FBXO34: variants seen among roughly 807,000 people sequenced by gnomAD.
FBXO34 encodes the protein F-box protein 34, also known as F-box only protein 34.
In FBXO34, 12 loss-of-function variants were observed where a neutral mutation model predicts 24.5. That is an observed-to-expected ratio of 0.49 (90% confidence interval 0.31 to 0.79). The LOEUF (loss-of-function observed/expected upper bound fraction) is 0.79, where lower values mean the gene tolerates loss of function less well. FBXO34 is among the 30% of genes least tolerant of loss of function. The probability of loss-of-function intolerance (pLI) is 0.04; values close to 1 mark genes in which losing one functional copy is unlikely to be tolerated. For synonymous variants in FBXO34, 320 were observed against 311.9 expected (o/e 1.03, Z -0.27); for missense variants, 823 against 857.7 (o/e 0.96, Z 0.51).
chr14:55,298,009 T>C (rs1882199238), intron 1 of FBXO34, among the ~76,000 whole-genome samples: 1 of 152,228 alleles, frequency 6.6e-6, no homozygotes, highest in South Asian at 2.1e-4. Context: ...GAGGAAATAA[T>C]TCTTTTCTCA....
chr14:55,328,666 G>A (rs1883432992), intron 1 of FBXO34, among the ~76,000 whole-genome samples: 1 of 152,208 alleles, frequency 6.6e-6, no homozygotes. Flanking sequence ...ATAAACTACT[G>A]TATACAAACT....
At chr14:55,340,137 C>CAA (rs1256208458) in intron 1 of FBXO34, among the ~76,000 whole-genome samples, 1 of 152,194 alleles carries the variant, frequency 6.6e-6, no homozygotes, top group Non-Finnish European at 1.5e-5. Context: ...GCTACCCTTC[C>CAA]ACCTCAGCCT....
At chr14:55,296,343 G>A (rs1882119783) in intron 1 of FBXO34, among the ~76,000 whole-genome samples, 1 of 148,012 alleles carries the variant, frequency 6.8e-6, no homozygotes, top group Admixed American at 6.7e-5. Flanking sequence ...TAGTGAAGGA[G>A]TAGAGGGGTA....
chr14:55,437,093 TGGCA>T, the FBXO34 span: 53 of 1,325,430 alleles, frequency 4.0e-5, no homozygotes, highest in South Asian at 4.8e-4. Flanking sequence ...GATGTCACTA[TGGCA>T]GGCAGGCAGG....
the FBXO34 span, among the ~76,000 whole-genome samples, chr14:55,404,360 C>T: frequency 6.6e-6 from 1 of 152,222 alleles, no homozygotes; most frequent in Admixed American, 6.5e-5. Context: ...AAAGAAAACA[C>T]ATGCTCTCTC....
At chr14:55,380,875 A>ATATATATATATAT in the FBXO34 span, among the ~76,000 whole-genome samples, 14 of 112,710 alleles carry the variant, frequency 1.2e-4, no homozygotes, top group African/African-American at 4.6e-4. Context: ...ATATATATAT[A>ATATATATATATAT]TTTTTTTTTT....
At chr14:55,415,137 T>A in the FBXO34 span, among the ~76,000 whole-genome samples, 1 of 152,214 alleles carries the variant, frequency 6.6e-6, no homozygotes, top group East Asian at 1.9e-4. Context: ...TTCCAAATTA[T>A]GCAGGCACGT....
At chr14:55,435,980 T>TAAAAAA in the FBXO34 span, 3 of 862,954 alleles carry the variant, frequency 3.5e-6, no homozygotes, top group Non-Finnish European at 3.4e-6. Context: ...ATATAAAGAG[T>TAAAAAA]AAAAAAAAAA....
At chr14:55,411,562 C>T in the FBXO34 span, 1 of 1,561,982 alleles carries the variant, frequency 6.4e-7, no homozygotes, top group Non-Finnish European at 8.7e-7. Context: ...CTGGAGGACA[C>T]ACAGCAGAAG....
chr14:55,279,149 T>TG (rs1371762707), intron 1 of FBXO34, among the ~76,000 whole-genome samples: 1 of 152,000 alleles, frequency 6.6e-6, no homozygotes, highest in Non-Finnish European at 1.5e-5. Context: ...TAGCTGGGCA[T>TG]GGTGGTGGGT....
At chr14:55,326,880 T>C (rs1227635908) in intron 1 of FBXO34, among the ~76,000 whole-genome samples, 1 of 152,172 alleles carries the variant, frequency 6.6e-6, no homozygotes, top group Non-Finnish European at 1.5e-5. Flanking sequence ...CTAAAACAGC[T>C]GGTATAATTT....
At chr14:55,357,248 A>C (rs1161028488), downstream of FBXO34, among the ~76,000 whole-genome samples, 3 of 152,218 alleles carry the variant, frequency 2.0e-5, no homozygotes, top group African/African-American at 7.2e-5. Context: ...TTTGACCTTA[A>C]CAGTTTTAGG....
At chr14:55,271,709 C>A (rs1415432381) in intron 1 of FBXO34, among the ~76,000 whole-genome samples, 172 bp downstream of exon 1, 1 of 150,786 alleles carries the variant, frequency 6.6e-6, no homozygotes, top group Non-Finnish European at 1.5e-5. Context: ...AGGGACCCGG[C>A]CGCCTGCGCC....
chr14:55,405,138 CTT>C, the FBXO34 span, among the ~76,000 whole-genome samples: 1 of 152,184 alleles, frequency 6.6e-6, no homozygotes, highest in African/African-American at 2.4e-5. Context: ...CTGATGAACT[CTT>C]GTCTACCTGT....
downstream of FBXO34, among the ~76,000 whole-genome samples, chr14:55,363,125 C>T (rs1353849467): frequency 2.7e-5 from 4 of 148,806 alleles, no homozygotes; most frequent in South Asian, 2.1e-4. Flanking sequence ...TGGTTTCAAG[C>T]GATTCTCCCG....
chr14:55,442,434 T>A, the FBXO34 span, among the ~76,000 whole-genome samples: 2 of 152,042 alleles, frequency 1.3e-5, no homozygotes, highest in South Asian at 2.1e-4. Context: ...AATACATCTT[T>A]TTTACTAGAT....
chr14:55,398,622 ACAAAATATATTG>A, the FBXO34 span, among the ~76,000 whole-genome samples: 2,155 of 139,864 alleles, frequency 0.015, 57 homozygotes, highest in African/African-American at 0.051. Flanking sequence ...TGATGTAGTT[ACAAAATATATTG>A]TGTGATTTCG....
the FBXO34 span, among the ~76,000 whole-genome samples, chr14:55,430,197 A>AC: frequency 2.0e-5 from 3 of 151,814 alleles, no homozygotes; most frequent in Non-Finnish European, 4.4e-5. Flanking sequence ...GGTGAATTCC[A>AC]CCCCCCTCAT....
At chr14:55,435,376 A>G in the FBXO34 span, among the ~76,000 whole-genome samples, 1 of 151,404 alleles carries the variant, frequency 6.6e-6, no homozygotes, top group African/African-American at 2.4e-5. Context: ...CCTGGGTTCA[A>G]GTGATTCTCC....
Sources: gnomAD v4.1 joint callset for allele counts (sites outside exome capture counted in the v4.1 genomes callset) on GRCh38, gnomAD v4.1.1 for gene constraint, MANE v1.5 for transcripts, NCBI Gene and HGNC (gene_info 2026-07-23, HGNC 2026-07-21) for gene names.